The following NEO1 variants were observed in gnomAD, a reference collection of about 807,000 sequenced individuals.
NEO1 encodes neogenin 1.
NEO1 carries 63 observed loss-of-function variants against 159.7 expected under a neutral mutation model. The ratio of observed to expected loss-of-function variants is 0.39; its 90% CI spans 0.32 to 0.49. The LOEUF (loss-of-function observed/expected upper bound fraction) is 0.49. Ranked by LOEUF, NEO1 falls within the 20% of genes least tolerant of loss-of-function variation. The pLI is 0.85. For missense variants in NEO1, 1,615 were observed against 1,831.0 expected, an observed-to-expected ratio of 0.88 and a Z score of 2.15; for synonymous variants, 633 against 662.0, an observed-to-expected ratio of 0.96 and a Z score of 0.67.
chr15:73,085,207 G>A (rs2069289339), intron 1 of NEO1, among the ~76,000 whole-genome samples: 1 of 151,860 alleles, frequency 6.6e-6, no homozygotes. Context: ...TCCCTTTTCC[G>A]GGCATAAAAT....
intron 7 of NEO1, among the ~76,000 whole-genome samples, chr15:73,206,855 G>C (rs1367393352): frequency 1.3e-5 from 2 of 151,916 alleles, no homozygotes; most frequent in Non-Finnish European, 2.9e-5. Flanking sequence ...GTGCGTGTGT[G>C]TGTGTGTGTG....
intron 24 of NEO1, 124 bp from the exon 25 acceptor site, chr15:73,289,022 A>G: frequency 2.9e-6 from 2 of 690,516 alleles, no homozygotes; most frequent in Non-Finnish European, 5.1e-6. Context: ...CTTCTTACAG[A>G]AATGTCTTGT....
intron 1 of NEO1, among the ~76,000 whole-genome samples, chr15:73,076,660 C>T (rs1434586965): frequency 6.6e-6 from 1 of 152,188 alleles, no homozygotes; most frequent in Non-Finnish European, 1.5e-5. Context: ...CCCCCAACCT[C>T]AGCATGTTCT....
intron 11 of NEO1, among the ~76,000 whole-genome samples, chr15:73,252,540 A>G (rs964223322): frequency 6.6e-6 from 1 of 152,174 alleles, no homozygotes; most frequent in African/African-American, 2.4e-5. Context: ...GTACTTGGGA[A>G]CTGCCTTCAA....
chr15:73,229,221 A>G (rs1483342855), intron 7 of NEO1, among the ~76,000 whole-genome samples: 1 of 151,930 alleles, frequency 6.6e-6, no homozygotes, highest in African/African-American at 2.4e-5. Context: ...TTTTCTTTGT[A>G]CCAGTCTTAC....
At chr15:73,184,536 A>G (rs370786071) in intron 7 of NEO1, among the ~76,000 whole-genome samples, 5 of 152,334 alleles carry the variant, frequency 3.3e-5, no homozygotes, top group African/African-American at 7.2e-5. Flanking sequence ...TGTTTGTAGC[A>G]TCTTTATTCC....
In NEO1 at chr15:73,204,252, G is replaced by A. The variant is rs192904304; in HGVS notation, c.1291+25825G>A. Among the ~76,000 whole-genome samples, 31 of 151,528 alleles carry A rather than the reference G, an allele frequency of 2.0e-4. No individual in the cohort carries two copies. The East Asian group carries it at 4.5e-3, about 22-fold the overall frequency. On this transcript the variant is annotated intron_variant, in intron 7 of 28. Transcript: ENST00000261908. ...TATTCTGCCGTCTTTCAAGATTTTC[G>A]CTTTGTCTTTGGTTTTCTGCAGTTT...
At chr15:73,061,258 A>G (rs1031590349) in intron 1 of NEO1, among the ~76,000 whole-genome samples, 63 of 152,212 alleles carry the variant, frequency 4.1e-4, no homozygotes, top group African/African-American at 1.5e-3. Context: ...GAACACAGAG[A>G]TATCTTCCCA....
intron 7 of NEO1, among the ~76,000 whole-genome samples, chr15:73,185,017 G>A (rs1457313457): frequency 2.0e-5 from 3 of 152,146 alleles, no homozygotes; most frequent in African/African-American, 7.2e-5. Context: ...AAATTACCAA[G>A]TGAAAGAAGC....
At chr15:73,250,442 G>T (rs1469536331) in intron 11 of NEO1, among the ~76,000 whole-genome samples, 1 of 152,110 alleles carries the variant, frequency 6.6e-6, no homozygotes, top group African/African-American at 2.4e-5. Flanking sequence ...AAACACACAT[G>T]CTTTAGAAGG....
At chr15:73,122,946 G>A (rs1012008252) in intron 3 of NEO1, 146 bp downstream of exon 3, 2 of 957,626 alleles carry the variant, frequency 2.1e-6, no homozygotes, top group Middle Eastern at 3.3e-4. Flanking sequence ...GAAGCGGGTG[G>A]ATCACCTGAG....
chr15:73,220,915 TTC>T lies in NEO1; in HGVS notation c.1292-15427_1292-15426del, dbSNP rs565071870. ...AGTAGTTTGATCGTCTGAAGCCTTC[TTC>T]TCTCAACTCATCAAAGTCATTCTCT... On this transcript the variant is annotated intron_variant, in intron 7 of 28. Coordinates refer to ENST00000261908, the MANE Select transcript of NEO1 (RefSeq NM_002499.4). Among the ~76,000 whole-genome samples, 25 of 152,376 alleles carry T rather than the reference TTC, an allele frequency of 1.6e-4. No individual in the cohort carries two copies. The South Asian group carries it at 5.0e-3, about 30-fold the overall frequency.
At chr15:73,301,856 A>G (rs1162740316) in intron 28 of NEO1, among the ~76,000 whole-genome samples, 1 of 151,956 alleles carries the variant, frequency 6.6e-6, no homozygotes, top group East Asian at 1.9e-4. Context: ...TTTAATAGAG[A>G]TGGGGTTTCA....
intron 7 of NEO1, among the ~76,000 whole-genome samples, chr15:73,220,336 C>G (rs2038164822): frequency 6.6e-6 from 1 of 152,156 alleles, no homozygotes; most frequent in African/African-American, 2.4e-5. Context: ...GGTAACCTGA[C>G]CTTTCTCTCT....
chr15:73,203,206 A>G (rs1361676691), intron 7 of NEO1, among the ~76,000 whole-genome samples: 4 of 152,154 alleles, frequency 2.6e-5, no homozygotes, highest in Admixed American at 6.6e-5. Flanking sequence ...TGGCTGTACC[A>G]TTTTACATGC....
intron 23 of NEO1, among the ~76,000 whole-genome samples, chr15:73,284,416 G>A (rs993630982): frequency 8.5e-5 from 13 of 152,116 alleles, no homozygotes; most frequent in Middle Eastern, 3.4e-3. Flanking sequence ...AACTGCTACT[G>A]GTAATGACTT....
intron 1 of NEO1, among the ~76,000 whole-genome samples, chr15:73,062,410 A>T (rs1219182976): frequency 6.6e-6 from 1 of 152,214 alleles, no homozygotes; most frequent in Non-Finnish European, 1.5e-5. Flanking sequence ...GAATAGGAAT[A>T]ATTTAAAACT....
At chr15:73,054,156 ACTGT>A (rs1295593680) in intron 1 of NEO1, among the ~76,000 whole-genome samples, 1 of 152,218 alleles carries the variant, frequency 6.6e-6, no homozygotes, top group Admixed American at 6.5e-5. Flanking sequence ...TACTGATCCA[ACTGT>A]CTCTTAGATG....
chr15:73,139,073 G>A (rs1247356677), intron 5 of NEO1, among the ~76,000 whole-genome samples: 2 of 152,166 alleles, frequency 1.3e-5, no homozygotes, highest in Non-Finnish European at 2.9e-5. Context: ...CTCTTCAGTA[G>A]ATGGTCCTGG....
Sources: allele counts gnomAD v4.1 joint callset (sites outside exome capture counted in the v4.1 genomes callset), GRCh38; gene constraint gnomAD v4.1.1; transcripts MANE v1.5; gene names NCBI Gene and HGNC (gene_info 2026-07-23, HGNC 2026-07-21).